Variants in IGF2R observed in about 807,000 individuals in gnomAD.
The protein encoded by IGF2R is insulin like growth factor 2 receptor.
A neutral mutation model predicts 270.6 loss-of-function variants in IGF2R; 91 were observed. The observed-to-expected ratio is 0.34, with a 90% confidence interval of 0.28 to 0.40. The LOEUF is 0.40. Among genes scored for constraint, IGF2R ranks in the 10% least tolerant of loss-of-function variants. The pLI is 1.00. For missense variants in IGF2R, 2,805 were observed against 3,188.3 expected, an observed-to-expected ratio of 0.88 and a Z score of 2.90; for synonymous variants, 1,316 against 1,258.9, an observed-to-expected ratio of 1.05 and a Z score of -0.96.
In IGF2R at chr6:160,072,893, T is replaced by G. The variant is rs576113617; in HGVS notation, c.4690+9T>G. The G allele has an allele frequency of 5.6e-6, 9 of 1,608,068 alleles. No homozygotes were observed. The highest frequency in any genetic ancestry group is 7.6e-6 in the Non-Finnish European group (9 of 1,176,976). On this transcript the variant is annotated intron_variant, in intron 33 of 47. Coordinates refer to ENST00000356956, the MANE Select transcript of IGF2R (RefSeq NM_000876.4). The stretch of plus-strand genomic sequence containing the variant: ...CTGCCCTCCTGGCGTGGGTGAGTGC[T>G]GTGGTCTCTCGTGTGTTGTCTGACT...
intron 44 of IGF2R, among the ~76,000 whole-genome samples, chr6:160,090,859 AT>A (rs1418481628): frequency 1.3e-5 from 2 of 150,322 alleles, no homozygotes; most frequent in African/African-American, 4.9e-5. Context: ...TGCTGAGCAC[AT>A]TGCCGAGAAG....
In IGF2R at chr6:160,073,768, C is replaced by T. The variant is rs772644780; in HGVS notation, c.4959C>T (p.Ser1653=). The change falls in exon 35 of 48, where the codon TCC becomes TCT. Residue 1653 remains serine (S), a synonymous_variant. Transcript: ENST00000356956. ...PLACEQATEC[S]VRNGSSIVDL... ...TTCCTACTTAACAGACCGAATGTTCCGTGAGGAATGGAAGCTCTATTGTTG... is the reference window on the plus strand; with the variant it reads ...TTCCTACTTAACAGACCGAATGTTCTGTGAGGAATGGAAGCTCTATTGTTG... 9 of 1,613,706 alleles carry T rather than the reference C, an allele frequency of 5.6e-6. No homozygotes were observed. Among genetic ancestry groups the T allele is most frequent in the East Asian group, 4.5e-5 (2 of 44,882 alleles).
intron 19 of IGF2R, among the ~76,000 whole-genome samples, chr6:160,054,168 A>G (rs2115255168): frequency 6.6e-6 from 1 of 152,346 alleles, no homozygotes. Flanking sequence ...AGGGAGGAAG[A>G]CTAAGACACG....
Position 160,047,232 on chromosome 6 carries a change from T to C in IGF2R, c.2125T>C (p.Tyr709His), listed in dbSNP as rs1778087972. The C allele has an allele frequency of 6.2e-7, 1 of 1,614,060 alleles. No homozygotes were observed. The highest frequency in any genetic ancestry group is 2.2e-5 in the East Asian group (1 of 44,890). The stretch of plus-strand genomic sequence containing the variant: ...TTATGATGGGATGATCCAACTGAAC[T>C]ACAGAGGCGGCACACCCTATAACAA... ...SYYDGMIQLN[Y>H]RGGTPYNNER... The change falls in exon 16 of 48, where the codon TAC becomes CAC. Residue 709 changes from tyrosine (Y) to histidine (H), a missense_variant. Physicochemically the swap from Tyr to His is moderately conservative, Grantham distance 83 (BLOSUM62 2). Around this residue, in one of 2 missense-constraint regions of IGF2R, gnomAD observed 954 missense variants for 981.1 expected, o/e 0.97. Coordinates refer to ENST00000356956, the MANE Select transcript of IGF2R (RefSeq NM_000876.4).
chr6:159,977,030 C>T (rs990116944), intron 1 of IGF2R, among the ~76,000 whole-genome samples: 3 of 152,314 alleles, frequency 2.0e-5, no homozygotes, highest in South Asian at 2.1e-4. Flanking sequence ...TTGCTGCTGT[C>T]GCCCAGCTTA....
intron 31 of IGF2R, among the ~76,000 whole-genome samples, chr6:160,071,232 G>A (rs1310568963): frequency 7.1e-5 from 9 of 126,542 alleles, no homozygotes; most frequent in African/African-American, 2.1e-4. Flanking sequence ...GGGAAGGGTG[G>A]GGGTGTGTCG....
intron 10 of IGF2R, 112 bp from the exon 11 acceptor site, chr6:160,040,448 T>C: frequency 1.2e-6 from 1 of 862,704 alleles, no homozygotes; most frequent in South Asian, 1.7e-5. Context: ...TGGACCTGAA[T>C]TTTTTAACGG....
intron 39 of IGF2R, among the ~76,000 whole-genome samples, chr6:160,081,234 G>A (rs571868478): frequency 3.0e-4 from 45 of 152,170 alleles, no homozygotes; most frequent in East Asian, 1.5e-3. Context: ...AGTGTTGGCC[G>A]GTCTGAGAAA....
chr6:159,979,356 AG>A (rs1276031981), intron 1 of IGF2R, among the ~76,000 whole-genome samples: 1 of 152,154 alleles, frequency 6.6e-6, no homozygotes, highest in Non-Finnish European at 1.5e-5. Context: ...TGAGTTTCCT[AG>A]AAGTGGCAAG....
At chr6:160,008,182 G>A (rs570366261) in intron 2 of IGF2R, among the ~76,000 whole-genome samples, 2 of 152,344 alleles carry the variant, frequency 1.3e-5, no homozygotes, top group East Asian at 3.9e-4. Flanking sequence ...GGTTGGACAA[G>A]CTTGTGTTTA....
chr6:160,032,964 A>G lies in IGF2R; in HGVS notation c.1068A>G (p.Gly356=). ...QSGGSSYISD[G]KEYLFYLNVC... is the part of the protein sequence containing the mutation. ...TAGGTTCATCCTATATTTCAGATGG[A>G]AAAGAATATTTGTTTTATTTGAATG... The change falls in exon 9 of 48, where the codon GGA becomes GGG. Residue 356 remains glycine, a synonymous_variant. Coordinates refer to ENST00000356956, the MANE Select transcript of IGF2R (RefSeq NM_000876.4). 1 of 1,600,212 alleles carries G rather than the reference A, an allele frequency of 6.2e-7. No homozygotes were observed. The highest frequency in any genetic ancestry group is 8.6e-7 in the Non-Finnish European group (1 of 1,167,940).
intron 42 of IGF2R, 142 bp from the exon 43 acceptor site, chr6:160,088,965 C>A (rs189216765): frequency 7.6e-6 from 6 of 785,010 alleles, no homozygotes; most frequent in Middle Eastern, 7.6e-4. Context: ...GAGTGGGGGC[C>A]TCGGGACCCA....
At chr6:159,970,385 T>G (rs986016866) in intron 1 of IGF2R, among the ~76,000 whole-genome samples, 1 of 152,182 alleles carries the variant, frequency 6.6e-6, no homozygotes, top group Non-Finnish European at 1.5e-5. Flanking sequence ...AAGTTACTTT[T>G]CAGAGTGAAA....
In IGF2R at chr6:160,083,995, A is replaced by T. The variant is rs1234527802; in HGVS notation, c.5879A>T (p.Asp1960Val). The T allele has an allele frequency of 1.9e-6, 3 of 1,614,066 alleles. No individual in the cohort carries two copies. In the East Asian group the frequency reaches 6.7e-5, roughly 36 times the overall value. ...TSSIIFKCDE[D>V]EDIGRPQVFS... ...AGCATCATATTTAAGTGTGATGAAG[A>T]TGAGGACATTGGGAGGCCACAAGTC... Residue 1960 changes from aspartate to valine, a missense_variant, in exon 40 of 48, where the codon GAT (aspartate) becomes GTT (valine). Transcript: ENST00000356956.
chr6:159,984,335 A>G (rs1413983999), intron 1 of IGF2R, among the ~76,000 whole-genome samples: 2 of 152,166 alleles, frequency 1.3e-5, no homozygotes, highest in Non-Finnish European at 2.9e-5. Flanking sequence ...CATTAGTCAC[A>G]TGTTTGTGGT....
At chr6:160,072,687 T>C (rs1168376479) in intron 32 of IGF2R, 78 bp from the exon 33 acceptor site, 8 of 1,525,830 alleles carry the variant, frequency 5.2e-6, no homozygotes. Flanking sequence ...ATAATCTGTG[T>C]GTGAGCTCGC....
intron 4 of IGF2R, among the ~76,000 whole-genome samples, chr6:160,020,094 G>A (rs943041876): frequency 6.6e-6 from 1 of 151,968 alleles, no homozygotes; most frequent in African/African-American, 2.4e-5. Flanking sequence ...GATTTGATAC[G>A]TGAATTCAGT....
chr6:160,013,410 TAAAA>T (rs34643864), intron 4 of IGF2R, among the ~76,000 whole-genome samples: 5 of 87,716 alleles, frequency 5.7e-5, no homozygotes, highest in African/African-American at 1.3e-4. Flanking sequence ...TGGTTCTTTG[TAAAA>T]AAAAAAAAAA....
intron 4 of IGF2R, among the ~76,000 whole-genome samples, chr6:160,017,058 T>C (rs1022493785): frequency 2.0e-5 from 3 of 152,094 alleles, no homozygotes; most frequent in African/African-American, 4.8e-5. Flanking sequence ...GAATTCAAAA[T>C]ATTAATTTTA....
Sources: allele counts gnomAD v4.1 joint callset (sites outside exome capture counted in the v4.1 genomes callset), GRCh38; gene constraint gnomAD v4.1.1; regional missense constraint gnomAD v4.1.1; transcripts MANE v1.5; gene names NCBI Gene and HGNC (gene_info 2026-07-23, HGNC 2026-07-21).